The following TJP1 variants were observed in gnomAD, a reference collection of about 807,000 sequenced individuals.
The protein encoded by TJP1 is tight junction protein ZO-1.
A neutral mutation model predicts 194.2 loss-of-function variants in TJP1; 43 were observed. That is an observed-to-expected ratio of 0.22 (90% CI 0.17 to 0.29). The LOEUF (loss-of-function observed/expected upper bound fraction) is 0.29, where lower values mean the gene tolerates loss of function less well. Ranked by LOEUF, TJP1 falls within the 10% of genes least tolerant of loss-of-function variation. The pLI is 1.00. For missense variants in TJP1, 1,971 were observed against 2,185.7 expected, an observed-to-expected ratio of 0.90 and a Z score of 1.96; for synonymous variants, 801 against 779.0, an observed-to-expected ratio of 1.03 and a Z score of -0.47.
At position 29,753,531 on chromosome 15, in the gene TJP1, C is replaced by T. The variant is rs1264115619; in HGVS notation, c.1010+7608G>A. On this transcript the variant is annotated intron_variant, in intron 8 of 27. Transcript: ENST00000614355. The stretch of plus-strand genomic sequence containing the variant: ...AAAAGATTGCTCAGGATATTTATCG[C>T]CATACACTGATAACATATATGTGAC... Among the ~76,000 whole-genome samples, 4 of 150,136 alleles carry T rather than the reference C, an allele frequency of 2.7e-5. No individual in the cohort carries two copies. In the East Asian group the frequency reaches 5.8e-4, roughly 22 times the overall value.
At chr15:29,768,569 G>A (rs947624461) in intron 4 of TJP1, among the ~76,000 whole-genome samples, 2 of 152,108 alleles carry the variant, frequency 1.3e-5, no homozygotes, top group African/African-American at 4.8e-5. Flanking sequence ...CTATCAACCT[G>A]AGATGACGTG....
chr15:29,761,540 T>A, intron 7 of TJP1, 61 bp downstream of exon 7: 2 of 1,514,678 alleles, frequency 1.3e-6, no homozygotes, highest in East Asian at 4.6e-5. Flanking sequence ...ATGTTCAATC[T>A]CCCTAGTATT....
intron 23 of TJP1, among the ~76,000 whole-genome samples, chr15:29,713,353 T>C (rs766424368): frequency 2.0e-4 from 30 of 152,352 alleles, no homozygotes; most frequent in Middle Eastern, 3.4e-3. Context: ...ATGTCTAAGC[T>C]ACTGTCTCCT....
chr15:29,883,205 T>C (rs1466961377), intron 2 of TJP1, among the ~76,000 whole-genome samples: 1 of 152,210 alleles, frequency 6.6e-6, no homozygotes, highest in Non-Finnish European at 1.5e-5. Flanking sequence ...TAATTTGGAA[T>C]TTAACAAAGT....
intron 2 of TJP1, among the ~76,000 whole-genome samples, chr15:29,783,880 T>C (rs1219592231): frequency 1.3e-5 from 2 of 152,058 alleles, no homozygotes; most frequent in East Asian, 3.9e-4. Flanking sequence ...GACAAAATAA[T>C]CTGTACAACA....
intron 4 of TJP1, among the ~76,000 whole-genome samples, chr15:29,768,344 G>C (rs1211881203): frequency 1.3e-5 from 2 of 152,198 alleles, no homozygotes; most frequent in African/African-American, 2.4e-5. Context: ...AATATTTTCT[G>C]TAAAGCATTC....
chr15:29,868,180 C>T (rs899541367), intron 2 of TJP1, among the ~76,000 whole-genome samples: 14 of 152,104 alleles, frequency 9.2e-5, no homozygotes, highest in Non-Finnish European at 1.9e-4. Context: ...TGTTTTGTGC[C>T]ATTGCACTCA....
intron 19 of TJP1, 79 bp downstream of exon 19, chr15:29,720,279 A>AT: frequency 7.9e-7 from 1 of 1,260,278 alleles, no homozygotes; most frequent in Non-Finnish European, 1.1e-6. Flanking sequence ...GACAACATAT[A>AT]TATTTTTAAC....
intron 1 of TJP1, among the ~76,000 whole-genome samples, chr15:29,811,620 A>C (rs1363780737): frequency 1.3e-5 from 2 of 152,220 alleles, no homozygotes; most frequent in Non-Finnish European, 2.9e-5. Context: ...CTATTGCCTA[A>C]TCCATCAGAC....
intron 8 of TJP1, among the ~76,000 whole-genome samples, chr15:29,757,296 T>C (rs1357647350): frequency 6.6e-6 from 1 of 152,192 alleles, no homozygotes; most frequent in African/African-American, 2.4e-5. Context: ...AGGGCTGATG[T>C]TTGCCAAGAC....
intron 2 of TJP1, among the ~76,000 whole-genome samples, chr15:29,887,976 A>C (rs2053176064): frequency 6.6e-6 from 1 of 152,206 alleles, no homozygotes; most frequent in Admixed American, 6.5e-5. Flanking sequence ...GAAACAATCC[A>C]CATATAATAA....
At chr15:29,784,661 G>C (rs144801132) in intron 2 of TJP1, among the ~76,000 whole-genome samples, 2 of 152,112 alleles carry the variant, frequency 1.3e-5, no homozygotes, top group East Asian at 1.9e-4. Context: ...AAATAAACCA[G>C]TCAACATGCA....
chr15:29,704,067 A>G, intron 27 of TJP1, 95 bp downstream of exon 27: 1 of 1,342,384 alleles, frequency 7.4e-7, no homozygotes, highest in Non-Finnish European at 1.0e-6. Flanking sequence ...AGAGATAGAG[A>G]TTTGCTAACA....
rs763857445 is a variant in TJP1, at chr15:29,720,652, C to T, written c.2469G>A (p.Leu823=). Residue 823 remains leucine (L), a synonymous_variant, in exon 19 of 28, where the codon CTG becomes CTA. Coordinates refer to ENST00000614355, the MANE Select transcript of TJP1 (RefSeq NM_001330239.4). ...LDLHDDRLSY[L]SAPGSEYSMY... ...TTGAGTATTCACTACCTGGAGCTGA[C>T]AGGTAGGACAGACGATCATCATGCA... 7 of 1,613,200 alleles carry T rather than the reference C, an allele frequency of 4.3e-6. No homozygotes were observed. The highest frequency in any genetic ancestry group is 5.9e-6 in the Non-Finnish European group (7 of 1,179,444).
At chr15:29,809,257 A>C (rs1004377979) in intron 1 of TJP1, among the ~76,000 whole-genome samples, 1 of 152,204 alleles carries the variant, frequency 6.6e-6, no homozygotes, top group Admixed American at 6.5e-5. Context: ...AATTAATTTT[A>C]CCTTAAAGTT....
chr15:29,818,521 T>C (rs369015243), intron 1 of TJP1, among the ~76,000 whole-genome samples: 2 of 152,364 alleles, frequency 1.3e-5, no homozygotes, highest in African/African-American at 4.8e-5. Context: ...ATTTATTTAT[T>C]TGAGACAGCG....
At chr15:29,915,218 C>T (rs1441588546) in intron 2 of TJP1, among the ~76,000 whole-genome samples, 3 of 152,138 alleles carry the variant, frequency 2.0e-5, no homozygotes, top group African/African-American at 7.2e-5. Flanking sequence ...AAGGCAGATC[C>T]ATATTAAAAG....
At chr15:29,859,256 T>C (rs1010383665) in intron 2 of TJP1, among the ~76,000 whole-genome samples, 5 of 152,262 alleles carry the variant, frequency 3.3e-5, no homozygotes, top group East Asian at 3.8e-4. Context: ...GCATCTATTA[T>C]CTTTGACTGA....
Position 29,726,948 on chromosome 15 carries a change from C to T in TJP1, c.2144G>A (p.Arg715His), listed in dbSNP as rs200221423. The T allele has an allele frequency of 1.2e-5, 19 of 1,614,090 alleles. No homozygotes were observed. The highest frequency in any genetic ancestry group is 2.2e-5 in the East Asian group (1 of 44,876). The change falls in exon 17 of 28, where the codon CGT becomes CAT. Residue 715 changes from arginine (R) to histidine (H), a missense_variant. This residue lies in a region of TJP1 where 402 missense variants were observed against 484.2 expected (regional missense o/e 0.83). Coordinates refer to ENST00000614355, the MANE Select transcript of TJP1 (RefSeq NM_001330239.4). ...LLDVTPNAVD[R>H]LNYAQWYPIV... The stretch of plus-strand genomic sequence containing the variant: ...TGGATACCACTGGGCATAGTTAAGA[C>T]GATCAACTGCATTTGGTGTTACATC...
Sources: gnomAD v4.1 joint callset for allele counts (sites outside exome capture counted in the v4.1 genomes callset) on GRCh38, gnomAD v4.1.1 for gene constraint, gnomAD v4.1.1 regional missense constraint, MANE v1.5 for transcripts, NCBI Gene and HGNC (gene_info 2026-07-23, HGNC 2026-07-21) for gene names.